The following NCOA1 variants were observed in gnomAD, a reference collection of about 807,000 sequenced individuals.
NCOA1 encodes the protein nuclear receptor coactivator 1, also known as Hin-2 protein.
NCOA1 carries 35 observed loss-of-function variants against 150.9 expected under a neutral mutation model. The observed-to-expected ratio is 0.23, with a 90% CI of 0.18 to 0.31. NCOA1 has a LOEUF of 0.31. Ranked by LOEUF, NCOA1 falls within the 10% of genes least tolerant of loss-of-function variation. NCOA1 has a pLI of 1.00. For missense variants in NCOA1, 1,491 were observed against 1,749.3 expected (o/e 0.85, Z 2.63); for synonymous variants, 590 against 630.0 (o/e 0.94, Z 0.95).
At chr2:24,733,671 G>A (rs1242059928) in intron 17 of NCOA1, among the ~76,000 whole-genome samples, 1 of 152,158 alleles carries the variant, frequency 6.6e-6, no homozygotes, top group Non-Finnish European at 1.5e-5. Context: ...TTGAAACTGG[G>A]AGGTGGAGGT....
Position 24,758,006 on chromosome 2 carries a change from G to C in NCOA1, c.3915G>C (p.Thr1305=). ...GTCAAGCTGTCCAGAACCAGCCCAC[G>C]CCTGCACAGCCAGGAGTATACAACA... The part of the protein sequence containing the change: ...VFSQAVQNQP[T]PAQPGVYNNM... The change falls in exon 21 of 23, where the codon ACG becomes ACC. Residue 1305 remains threonine (T), a synonymous_variant. Transcript: ENST00000348332. 6.2e-7 allele frequency: 1 copy of C among 1,614,010 alleles called. No homozygotes were observed. Among genetic ancestry groups the C allele is most frequent in the South Asian group, 1.1e-5 (1 of 91,070 alleles).
intron 1 of NCOA1, among the ~76,000 whole-genome samples, chr2:24,504,661 T>G (rs1035813662): frequency 2.0e-5 from 3 of 152,246 alleles, no homozygotes; most frequent in African/African-American, 7.2e-5. Context: ...GGAGAAACTT[T>G]ACTAGTGTGT....
chr2:24,708,638 G>A (rs1673580566), intron 13 of NCOA1, among the ~76,000 whole-genome samples: 1 of 152,058 alleles, frequency 6.6e-6, no homozygotes, highest in South Asian at 2.1e-4. Flanking sequence ...ACCTTATTTA[G>A]AGACAGAATA....
chr2:24,604,296 T>G (rs981463473), intron 3 of NCOA1, among the ~76,000 whole-genome samples: 8 of 152,208 alleles, frequency 5.3e-5, no homozygotes, highest in Non-Finnish European at 1.2e-4. Flanking sequence ...TACCTTCAAG[T>G]CACCAGCTGC....
intron 7 of NCOA1, among the ~76,000 whole-genome samples, chr2:24,680,845 T>C (rs1672129750): frequency 6.6e-6 from 1 of 152,114 alleles, no homozygotes. Context: ...TATTAGTTTT[T>C]CTCAATTAAA....
At chr2:24,674,151 G>GTGTGTGTGTGTA (rs141963010) in intron 7 of NCOA1, among the ~76,000 whole-genome samples, 3,762 of 145,104 alleles carry the variant, frequency 0.026, 69 homozygotes, top group Non-Finnish European at 0.037. Context: ...GTGTGTGTGT[G>GTGTGTGTGTGTA]TATATATTTC....
intron 1 of NCOA1, among the ~76,000 whole-genome samples, chr2:24,495,158 G>A (rs1663150653): frequency 6.9e-6 from 1 of 145,100 alleles, no homozygotes; most frequent in South Asian, 2.2e-4. Context: ...TATAGTATTT[G>A]GATTAATGTA....
chr2:24,737,751 A>C (rs577856771), intron 17 of NCOA1, among the ~76,000 whole-genome samples: 1 of 152,344 alleles, frequency 6.6e-6, no homozygotes, highest in Non-Finnish European at 1.5e-5. Flanking sequence ...CTATGCAGAC[A>C]AAGCACCTGT....
intron 1 of NCOA1, among the ~76,000 whole-genome samples, chr2:24,547,430 A>G (rs1368919224): frequency 1.7e-4 from 26 of 152,208 alleles, no homozygotes; most frequent in Admixed American, 1.6e-3. Flanking sequence ...TTGCAGCTAT[A>G]TTATGAGAAT....
intron 1 of NCOA1, among the ~76,000 whole-genome samples, chr2:24,510,455 A>G (rs529907587): frequency 5.9e-5 from 9 of 152,114 alleles, no homozygotes; most frequent in Admixed American, 1.3e-4. Flanking sequence ...CAAGTGACCC[A>G]TCTTGGCCTC....
At chr2:24,708,941 A>G (rs1007465368) in intron 13 of NCOA1, among the ~76,000 whole-genome samples, 10 of 152,144 alleles carry the variant, frequency 6.6e-5, no homozygotes, top group African/African-American at 2.4e-4. Context: ...ACCAATTCAA[A>G]TAACATCTGC....
At chr2:24,681,696 C>T (rs55991305) in intron 7 of NCOA1, among the ~76,000 whole-genome samples, 6,199 of 150,030 alleles carry the variant, frequency 0.041, 151 homozygotes, top group East Asian at 0.12. Flanking sequence ...AGACAGCAAA[C>T]TTGGTACCCT....
At chr2:24,629,817 C>CATATATATATATATATATAT (rs57598398) in intron 3 of NCOA1, among the ~76,000 whole-genome samples, 20 of 79,342 alleles carry the variant, frequency 2.5e-4, no homozygotes, top group African/African-American at 9.0e-4. Context: ...AACATACATA[C>CATATATATATATATATATAT]ATATATATAT....
chr2:24,569,785 G>A (rs1382486533), intron 2 of NCOA1, among the ~76,000 whole-genome samples: 2 of 149,574 alleles, frequency 1.3e-5, no homozygotes, highest in African/African-American at 2.5e-5. Context: ...CAGGAGAATC[G>A]CTTGAACCCT....
In NCOA1 at chr2:24,768,572, T is replaced by A. The variant is rs566915751; in HGVS notation, c.*181T>A. ...TTGCTTTTGTCGGGAGATTGAAAGATGTTTTTGTTTCTTTCTTTGTAAAGG... is the reference window on the plus strand; with the variant it reads ...TTGCTTTTGTCGGGAGATTGAAAGAAGTTTTTGTTTCTTTCTTTGTAAAGG... On this transcript the variant is annotated 3_prime_UTR_variant, in exon 23 of 23. Coordinates refer to ENST00000348332, the MANE Select transcript of NCOA1 (RefSeq NM_003743.5). 4.4e-6 allele frequency: 2 copies of A among 452,226 alleles called. No individual in the cohort carries two copies. The highest frequency in any genetic ancestry group is 7.6e-5 in the East Asian group (2 of 26,458). The allele number at this position is 452,226 out of a possible 1,614,324, so 28.0% of individuals were successfully genotyped here. A position where few individuals can be genotyped will look rare whatever the true frequency, so the allele number is the denominator to read the frequency against.
At chr2:24,545,508 CAG>C (rs1219227968) in intron 1 of NCOA1, among the ~76,000 whole-genome samples, 1 of 152,174 alleles carries the variant, frequency 6.6e-6, no homozygotes, top group Non-Finnish European at 1.5e-5. Context: ...ATAATTTGTG[CAG>C]ACACTCCCCT....
chr2:24,559,828 C>T (rs780022495), intron 1 of NCOA1, among the ~76,000 whole-genome samples: 5 of 152,166 alleles, frequency 3.3e-5, no homozygotes, highest in Non-Finnish European at 7.3e-5. Flanking sequence ...TTGTATCTTT[C>T]CCTGTAACAT....
At chr2:24,739,586 T>G in intron 18 of NCOA1, 53 bp downstream of exon 18, 2 of 1,343,472 alleles carry the variant, frequency 1.5e-6, no homozygotes, top group Non-Finnish European at 2.1e-6. Flanking sequence ...ACATAGTGTT[T>G]CTTAAAGTGT....
intron 1 of NCOA1, among the ~76,000 whole-genome samples, chr2:24,523,924 CAAAAAAAAAAAAA>C (rs70947825): frequency 0.04 from 1,992 of 49,574 alleles, 47 homozygotes; most frequent in African/African-American, 0.15. Context: ...GACTCTGTCT[CAAAAAAAAAAAAA>C]AAAAAAAAAA....
Sources: allele counts gnomAD v4.1 joint callset (sites outside exome capture counted in the v4.1 genomes callset), GRCh38; gene constraint gnomAD v4.1.1; transcripts MANE v1.5; gene names NCBI Gene and HGNC (gene_info 2026-07-23, HGNC 2026-07-21).